CFAP69: variants seen among roughly 807,000 people sequenced by gnomAD.
The protein encoded by CFAP69 is cilia and flagella associated protein 69, also known as cilia- and flagella-associated protein 69.
CFAP69 carries 92 observed loss-of-function variants against 123.0 expected under a neutral mutation model. The observed-to-expected ratio is 0.75, with a 90% CI of 0.63 to 0.89. The LOEUF is 0.89. Among genes scored for constraint, CFAP69 ranks in the 40% least tolerant of loss-of-function variants. The pLI, the probability that CFAP69 is intolerant of heterozygous loss-of-function variation, is 0.00. For missense variants in CFAP69, 1,067 were observed against 1,096.9 expected, an observed-to-expected ratio of 0.97 and a Z score of 0.39; for synonymous variants, 380 against 364.3, an observed-to-expected ratio of 1.04 and a Z score of -0.49.
intron 2 of CFAP69, among the ~76,000 whole-genome samples, chr7:90,256,678 T>C (rs1352705586): frequency 2.6e-5 from 4 of 152,232 alleles, no homozygotes; most frequent in Admixed American, 2.0e-4. Flanking sequence ...AAAAAGTGAC[T>C]ATTGGAATAA....
intron 17 of CFAP69, chr7:90,303,258 T>G (rs1208750180): frequency 6.6e-6 from 1 of 152,146 alleles, no homozygotes; most frequent in Non-Finnish European, 1.5e-5. Context: ...TCATGTCATC[T>G]GCAAACAGGG....
At position 90,273,988 on chromosome 7, in the gene CFAP69, G is replaced by T; in HGVS notation, c.862G>T (p.Ala288Ser). 6.3e-7 allele frequency: 1 copy of T among 1,589,324 alleles called. No homozygotes were observed. Among genetic ancestry groups the T allele is most frequent in the South Asian group, 1.2e-5 (1 of 86,430 alleles). ...TTAAAATATGATTTTACTTTCTAGG[G>T]CTTTGAAGGAAGTATTTAAAAATCT... ...QQLSNLECLLALKEVFKNLFM... is the reference protein window; with the variant it reads ...QQLSNLECLLSLKEVFKNLFM... Residue 288 changes from alanine to serine, a missense_variant and splice_region_variant, in exon 9 of 23, where the codon GCT becomes TCT. Transcript: ENST00000389297.
In CFAP69 at chr7:90,307,760, C is replaced by T. The variant is rs1793818850; in HGVS notation, c.2464-8C>T. The T allele has an allele frequency of 6.4e-7, 1 of 1,551,398 alleles. No individual in the cohort carries two copies. Among genetic ancestry groups the T allele is most frequent in the Admixed American group, 2.1e-5 (1 of 48,598 alleles). On this transcript the variant is annotated splice_polypyrimidine_tract_variant and splice_region_variant and intron_variant, in intron 20 of 22. Coordinates refer to ENST00000389297, the MANE Select transcript of CFAP69 (RefSeq NM_001039706.3). ...GAAACTGAAACTTAATTATCTTTCT[C>T]ATTTCAGATACAGGCCACGCACAAG...
In CFAP69 at chr7:90,265,388, A is replaced by T. The variant is rs1799012387; in HGVS notation, c.433+11A>T. On this transcript the variant is annotated intron_variant, in intron 5 of 22. Coordinates refer to ENST00000389297, the MANE Select transcript of CFAP69 (RefSeq NM_001039706.3). Reference sequence around the variant, plus strand: ...CAATTGCACTTCTGGGTAAGTTAAGATTTCCTTAAGGTATAGGGATGTAAC... The same window carrying T: ...CAATTGCACTTCTGGGTAAGTTAAGTTTTCCTTAAGGTATAGGGATGTAAC... 1 of 1,585,008 alleles carries T rather than the reference A, an allele frequency of 6.3e-7. No individual in the cohort carries two copies. The highest frequency in any genetic ancestry group is 1.3e-5 in the African/African-American group (1 of 74,308).
At position 90,268,769 on chromosome 7, in the gene CFAP69, A is replaced by G. The variant is rs1799526190; in HGVS notation, c.532+385A>G. ...GCTACCAATGCCAGGGCCATTCTCC[A>G]TCCTGTTTGGGAAAATAGTTCTATG... On this transcript the variant is annotated intron_variant, in intron 6 of 22. Coordinates refer to ENST00000389297, the MANE Select transcript of CFAP69 (RefSeq NM_001039706.3). 4 of 180,702 alleles carry G rather than the reference A, an allele frequency of 2.2e-5. No homozygotes were observed. In the South Asian group the frequency reaches 5.1e-4, roughly 23 times the overall value. 11.2% of individuals were successfully genotyped at this position (180,702 alleles called of 1,614,324 possible).
In CFAP69 at chr7:90,245,446, G is replaced by T. The variant is rs1454561313; in HGVS notation, c.22G>T (p.Ala8Ser). The T allele has an allele frequency of 1.3e-6, 2 of 1,559,528 alleles. No homozygotes were observed. Among genetic ancestry groups the T allele is most frequent in the East Asian group, 2.6e-5 (1 of 38,470 alleles). The change falls in exon 1 of 23, where the codon GCG (alanine) becomes TCG (serine). Residue 8 changes from alanine (A) to serine (S), a missense_variant. Physicochemically the swap from Ala to Ser is moderately conservative, Grantham distance 99. Transcript: ENST00000389297. MWTEEAGATAEAQESGIR... is the reference protein window; with the variant it reads MWTEEAGSTAEAQESGIR... Reference sequence around the variant, plus strand: ...GGCCATGTGGACAGAGGAAGCCGGGGCGACCGCCGAGGCCCAGGAATCCGG... The same window carrying T: ...GGCCATGTGGACAGAGGAAGCCGGGTCGACCGCCGAGGCCCAGGAATCCGG...
chr7:90,279,532 T>A (rs1410600347), intron 11 of CFAP69, 145 bp from the exon 12 acceptor site: 2 of 465,618 alleles, frequency 4.3e-6, no homozygotes, highest in East Asian at 6.8e-5. Flanking sequence ...TTTTTTTTGG[T>A]ACCTATCATA....
chr7:90,303,557 T>C (rs991000571), intron 17 of CFAP69: 4 of 960,800 alleles, frequency 4.2e-6, no homozygotes, highest in Non-Finnish European at 5.0e-6. Context: ...TTTTTATTGT[T>C]TCTGAGTTTT....
chr7:90,281,763 C>T (rs1789527588), intron 12 of CFAP69, among the ~76,000 whole-genome samples: 1 of 152,102 alleles, frequency 6.6e-6, no homozygotes, highest in Admixed American at 6.5e-5. Context: ...ATGCATTTAA[C>T]TACTGTAAAA....
intron 12 of CFAP69, among the ~76,000 whole-genome samples, chr7:90,280,434 C>T (rs979617569): frequency 2.0e-4 from 30 of 152,318 alleles, no homozygotes; most frequent in African/African-American, 5.8e-4. Context: ...GGGCTCAAGC[C>T]ATCTGCCTAC....
chr7:90,304,703 G>T (rs1315345940), intron 18 of CFAP69, 41 bp from the exon 19 acceptor site: 1 of 1,574,502 alleles, frequency 6.4e-7, no homozygotes, highest in South Asian at 1.2e-5. Context: ...AGAATCACTT[G>T]CTCTGCTAAA....
At chr7:90,254,752 G>A (rs1039498939) in intron 1 of CFAP69, among the ~76,000 whole-genome samples, 2 of 152,178 alleles carry the variant, frequency 1.3e-5, no homozygotes, top group East Asian at 3.8e-4. Context: ...AGGCATTAAT[G>A]GGGAGTCATT....
chr7:90,316,757 A>C, the CFAP69 span: 3 of 152,218 alleles, frequency 2.0e-5, no homozygotes, highest in Non-Finnish European at 4.4e-5. Context: ...TCTTATTTTT[A>C]ACCCAATGTA....
chr7:90,318,942 C>A, the CFAP69 span: 1 of 153,632 alleles, frequency 6.5e-6, no homozygotes. Flanking sequence ...TGTTAATATT[C>A]ATTCCAATAT....
intron 11 of CFAP69, among the ~76,000 whole-genome samples, chr7:90,278,899 A>G (rs1789012117): frequency 6.6e-6 from 1 of 152,148 alleles, no homozygotes; most frequent in Non-Finnish European, 1.5e-5. Context: ...CTAGTAAGGA[A>G]CTAGAAAAAT....
chr7:90,303,972 CA>C lies in CFAP69; in HGVS notation c.2061del (p.Lys687AsnfsTer43), dbSNP rs1275710203. Reference protein sequence around the residue: ...KRDKNGKIIDTKKPLFTSFQE... With the variant: ...KRDKNGKIIDXKKPLFTSFQE... ...TTTCATGCTATCCAATGATTAGATA[CA>C]AAAAAACCTCTATTTACTAGCTTTC... On this transcript the variant is annotated frameshift_variant, in exon 18 of 23. Coordinates refer to ENST00000389297, the MANE Select transcript of CFAP69 (RefSeq NM_001039706.3). LOFTEE classifies it high-confidence loss of function. 10 of 1,547,378 alleles carry C rather than the reference CA, an allele frequency of 6.5e-6. No individual in the cohort carries two copies. Among genetic ancestry groups the C allele is most frequent in the South Asian group, 2.4e-5 (2 of 83,282 alleles).
At position 90,310,092 on chromosome 7, in the gene CFAP69, G is replaced by A. The variant is rs1274193639; in HGVS notation, c.2680G>A (p.Val894Met). The change falls in exon 23 of 23, where the codon GTG becomes ATG. Residue 894 changes from valine to methionine, a missense_variant. Transcript: ENST00000389297. The stretch of plus-strand genomic sequence containing the variant: ...GGTGCCCTCTGGTGGAGTAGTAACA[G>A]TGGAAAGCACTCCTGCCCGATTAGT... ...TTVPSGGVVTVESTPARLVGG... is the reference protein window; with the variant it reads ...TTVPSGGVVTMESTPARLVGG... 1 of 1,612,406 alleles carries A rather than the reference G, an allele frequency of 6.2e-7. No individual in the cohort carries two copies. The highest frequency in any genetic ancestry group is 8.5e-7 in the Non-Finnish European group (1 of 1,178,990).
At chr7:90,300,655 C>CT (rs199733306) in intron 17 of CFAP69, 3,787 of 121,958 alleles carry the variant, frequency 0.031, 87 homozygotes, top group South Asian at 0.16. Flanking sequence ...TTTTTTTTTT[C>CT]TTTTTTTTTT....
At chr7:90,286,259 T>A in intron 13 of CFAP69, 22 bp from the exon 14 acceptor site, 1 of 1,568,360 alleles carries the variant, frequency 6.4e-7, no homozygotes. Context: ...AACTATACAG[T>A]CTTTAAATGT....
Sources: allele counts gnomAD v4.1 joint callset (sites outside exome capture counted in the v4.1 genomes callset), GRCh38; gene constraint gnomAD v4.1.1; transcripts MANE v1.5; gene names NCBI Gene and HGNC (gene_info 2026-07-23, HGNC 2026-07-21).